TAC4: variants seen among roughly 807,000 people sequenced by gnomAD.
The protein encoded by TAC4 is tachykinin precursor 4.
A neutral mutation model predicts 17.7 loss-of-function variants in TAC4; 17 were observed. That is an observed-to-expected ratio of 0.96 (90% CI 0.66 to 1.44). TAC4 has a LOEUF of 1.44. Ranked by LOEUF, TAC4 falls within the 40% of genes most tolerant of loss-of-function variation. The pLI is 0.00. For synonymous variants in TAC4, 62 were observed against 52.4 expected (o/e 1.18, Z -0.79); for missense variants, 118 against 125.6 (o/e 0.94, Z 0.29).
At chr17:49,846,119 C>A in intron 1 of TAC4, 1 of 939,818 alleles carries the variant, frequency 1.1e-6, no homozygotes, top group Non-Finnish European at 1.5e-6. Flanking sequence ...CATTCGGAGA[C>A]ATTGGTTTCC....
chr17:49,845,647 G>A (rs985973490), intron 1 of TAC4, among the ~76,000 whole-genome samples: 1 of 152,138 alleles, frequency 6.6e-6, no homozygotes, highest in Non-Finnish European at 1.5e-5. Flanking sequence ...AGAGTAATGC[G>A]AGCCGCCTGC....
At chr17:49,846,352 C>T (rs2074539672) in intron 1 of TAC4, 2 of 703,740 alleles carry the variant, frequency 2.8e-6, no homozygotes, top group Non-Finnish European at 4.1e-6. Context: ...GCACGACTCA[C>T]TGCAGCCTCA....
At chr17:49,847,056 CTG>C (rs1567876467) in intron 1 of TAC4, 2 of 1,290,198 alleles carry the variant, frequency 1.6e-6, no homozygotes, top group Non-Finnish European at 2.0e-6. Context: ...CCATGCAGGA[CTG>C]TCCATGTGAT....
chr17:49,842,567 C>T (rs971239524), intron 2 of TAC4, among the ~76,000 whole-genome samples: 1 of 151,612 alleles, frequency 6.6e-6, no homozygotes, highest in African/African-American at 2.4e-5. Flanking sequence ...CAGTTCAGAA[C>T]TCATTTTGTA....
At chr17:49,840,032 A>G in intron 3 of TAC4, 123 bp from the exon 4 acceptor site, 1 of 779,158 alleles carries the variant, frequency 1.3e-6, no homozygotes, top group East Asian at 2.6e-5. Context: ...GGCCTTGCAA[A>G]TGGGATCATT....
chr17:49,847,674 C>T lies in TAC4; in HGVS notation c.105+239G>A, dbSNP rs2074553674. On this transcript the variant is annotated intron_variant, in intron 1 of 4. Transcript: ENST00000436235. ...GTGTGTTAAATAAGTATTTCTTACA[C>T]ACACACACACACACACAGACACACA... The T allele has an allele frequency of 4.9e-6, 2 of 406,340 alleles. No individual in the cohort carries two copies. Among genetic ancestry groups the T allele is most frequent in the East Asian group, 8.0e-5 (2 of 25,124 alleles). The allele number at this position is 406,340 out of a possible 1,614,324, so 25.2% of individuals were successfully genotyped here. A position where few individuals can be genotyped will look rare whatever the true frequency, so the allele number is the denominator to read the frequency against.
Position 49,847,706 on chromosome 17 carries a change from C to CAG in TAC4, c.105+206_105+207insCT, listed in dbSNP as rs1034227446. ...ACACACACACAGACACACACACACA[C>CAG]ACACACACACACACACACACTTCGG... is the stretch of plus-strand genomic sequence containing the variant. On this transcript the variant is annotated intron_variant, in intron 1 of 4. Coordinates refer to ENST00000436235, the MANE Select transcript of TAC4 (RefSeq NM_001077506.2). 1.9e-4 allele frequency: 127 copies of CAG among 656,416 alleles called. No homozygotes were observed. The Middle Eastern group carries it at 2.5e-3, about 13-fold the overall frequency. 40.7% of individuals were successfully genotyped at this position (656,416 alleles called of 1,614,324 possible).
intron 3 of TAC4, among the ~76,000 whole-genome samples, chr17:49,840,809 T>C (rs1463378029): frequency 6.6e-6 from 1 of 151,094 alleles, no homozygotes; most frequent in Non-Finnish European, 1.5e-5. Flanking sequence ...ACCTGGCCAG[T>C]TGGTATATTT....
rs891159709 is a variant in TAC4, at chr17:49,847,223, G to A, written c.105+690C>T. Reference sequence around the variant, plus strand: ...CTGCCCCCCTGGAAGCCTTCCCTGAGCACTGGCCTCTTATTTACCCGTCTT... The same window carrying A: ...CTGCCCCCCTGGAAGCCTTCCCTGAACACTGGCCTCTTATTTACCCGTCTT... On this transcript the variant is annotated intron_variant, in intron 1 of 4. Coordinates refer to ENST00000436235, the MANE Select transcript of TAC4 (RefSeq NM_001077506.2). The A allele has an allele frequency of 4.7e-6, 6 of 1,290,040 alleles. No individual in the cohort carries two copies. The African/African-American group carries it at 9.1e-5, about 20-fold the overall frequency. 79.9% of individuals were successfully genotyped at this position (1,290,040 alleles called of 1,614,324 possible).
chr17:49,842,118 A>G (rs1227813418), intron 2 of TAC4, among the ~76,000 whole-genome samples: 1 of 150,230 alleles, frequency 6.7e-6, no homozygotes, highest in East Asian at 2.0e-4. Context: ...ATTAGCCAGG[A>G]TGGTCTCGAT....
rs562310409 is a variant in TAC4, at chr17:49,843,781, A to G, written c.199+283T>C. 1.1e-4 allele frequency among the ~76,000 whole-genome samples: 17 copies of G among 152,146 alleles called. 1 individual carries two copies. The highest frequency in any genetic ancestry group is 1.0e-4 in the Non-Finnish European group (7 of 67,990). ...TCTAATTTTTGTATTTTTAATAGAG[A>G]TGGGGTTTCACCATGTTGGTCAGGC... On this transcript the variant is annotated intron_variant, in intron 2 of 4. Transcript: ENST00000436235.
At chr17:49,842,978 G>A (rs1360938777) in intron 2 of TAC4, among the ~76,000 whole-genome samples, 1 of 152,178 alleles carries the variant, frequency 6.6e-6, no homozygotes, top group Non-Finnish European at 1.5e-5. Context: ...TTAAGGATAC[G>A]TGTAATAGAT....
At chr17:49,840,629 A>T (rs1325581067) in intron 3 of TAC4, among the ~76,000 whole-genome samples, 1 of 151,932 alleles carries the variant, frequency 6.6e-6, no homozygotes, top group African/African-American at 2.4e-5. Context: ...CAGCCTCCTG[A>T]GTAGCTGGGA....
Position 49,847,961 on chromosome 17 carries a change from T to A in TAC4, c.57A>T (p.Ala19=), listed in dbSNP as rs1397658986. The change falls in exon 1 of 5, where the codon GCA becomes GCT. Residue 19 remains alanine, a synonymous_variant. Transcript: ENST00000436235. ...LLMELSVCTV[A]GDGGEEQTLS... is the part of the protein sequence containing the mutation. The stretch of plus-strand genomic sequence containing the variant: ...GTGTCTGTTCCTCTCCACCATCACC[T>A]GCCACAGTGCACACGGACAGCTCCA... 1.2e-6 allele frequency: 2 copies of A among 1,614,188 alleles called. No individual in the cohort carries two copies. The highest frequency in any genetic ancestry group is 2.2e-5 in the South Asian group (2 of 91,076).
intron 1 of TAC4, 144 bp downstream of exon 1, chr17:49,847,769 C>T: frequency 1.4e-6 from 2 of 1,414,904 alleles, no homozygotes; most frequent in Non-Finnish European, 2.0e-6. Context: ...TTGAATCTAC[C>T]CATGGTAGAG....
intron 1 of TAC4, 137 bp from the exon 2 acceptor site, chr17:49,844,294 C>G (rs534698382): frequency 1.4e-6 from 1 of 708,210 alleles, no homozygotes; most frequent in Non-Finnish European, 2.5e-6. Context: ...GGCACCTCAG[C>G]ATATTTTACA....
intron 4 of TAC4, among the ~76,000 whole-genome samples, 177 bp downstream of exon 4, chr17:49,839,673 C>T (rs543117034): frequency 6.6e-5 from 10 of 152,214 alleles, no homozygotes; most frequent in Admixed American, 2.0e-4. Flanking sequence ...TGGGCCATAG[C>T]GATTTCAATC....
chr17:49,840,469 C>G (rs1185664383), intron 3 of TAC4, among the ~76,000 whole-genome samples: 2 of 152,052 alleles, frequency 1.3e-5, no homozygotes, highest in Non-Finnish European at 2.9e-5. Context: ...CCTGAGAGCG[C>G]TGAGGGAGTG....
At chr17:49,846,371 G>A (rs2074539948) in intron 1 of TAC4, 4 of 535,796 alleles carry the variant, frequency 7.5e-6, no homozygotes, top group Non-Finnish European at 1.2e-5. Context: ...CAACTTCCTG[G>A]GTCCCAGTGA....
Sources: gnomAD v4.1 joint callset for allele counts (sites outside exome capture counted in the v4.1 genomes callset) on GRCh38, gnomAD v4.1.1 for gene constraint, MANE v1.5 for transcripts, NCBI Gene and HGNC (gene_info 2026-07-23, HGNC 2026-07-21) for gene names.